Variants in ALDH1A3 observed in about 807,000 individuals in gnomAD.
The protein encoded by ALDH1A3 is retinaldehyde dehydrogenase 3.
Under a neutral mutation model 57.5 loss-of-function variants are expected in ALDH1A3, and 28 were observed. The ratio of observed to expected loss-of-function variants is 0.49; its 90% CI spans 0.36 to 0.67. ALDH1A3 has a LOEUF of 0.67. ALDH1A3 is among the 30% of genes least tolerant of loss of function. The pLI is 0.00. For missense variants in ALDH1A3, 507 were observed against 669.4 expected (o/e 0.76, Z 2.68); for synonymous variants, 281 against 264.8 (o/e 1.06, Z -0.59).
chr15:100,884,987 G>A (rs1444593986), intron 1 of ALDH1A3, among the ~76,000 whole-genome samples: 3 of 152,072 alleles, frequency 2.0e-5, no homozygotes, highest in Non-Finnish European at 2.9e-5. Context: ...CCATGTTATT[G>A]CTGAAGATAA....
intron 9 of ALDH1A3, among the ~76,000 whole-genome samples, chr15:100,903,195 G>C (rs1271837068): frequency 1.5e-5 from 2 of 137,406 alleles, no homozygotes; most frequent in Admixed American, 1.5e-4. Flanking sequence ...TCTCCCCACG[G>C]TATCCCCAGT....
Position 100,892,426 on chromosome 15 carries a change from C to T in ALDH1A3, c.346-84C>T, listed in dbSNP as rs556520421. The T allele has an allele frequency of 2.1e-4, 326 of 1,588,770 alleles. 6 individuals are homozygous for T. The South Asian group carries it at 3.5e-3, about 17-fold the overall frequency. On this transcript the variant is annotated intron_variant, in intron 3 of 12. Transcript: ENST00000329841. Reference sequence around the variant, plus strand: ...GAGCAATGTCCTAGGACTGTGTTCTCTCCCCAACTTCCATCTTTAACAACC... The same window carrying T: ...GAGCAATGTCCTAGGACTGTGTTCTTTCCCCAACTTCCATCTTTAACAACC...
At position 100,905,562 on chromosome 15, in the gene ALDH1A3, G is replaced by A. The variant is rs146286322; in HGVS notation, c.1108G>A (p.Glu370Lys). 6 of 1,614,182 alleles carry A rather than the reference G, an allele frequency of 3.7e-6. No homozygotes were observed. In the East Asian group the frequency reaches 8.9e-5, roughly 24 times the overall value. ...KQFDKILELI[E>K]SGKKEGAKLE... ...GTTCGACAAAATCTTAGAGCTGATC[G>A]AGAGTGGGAAGAAGGAAGGGGCCAA... The change falls in exon 10 of 13, where the codon GAG becomes AAG. Residue 370 changes from glutamate to lysine, a missense_variant. This residue lies in a region of ALDH1A3 where 432 missense variants were observed against 608.4 expected (regional missense o/e 0.71). Coordinates refer to ENST00000329841, the MANE Select transcript of ALDH1A3 (RefSeq NM_000693.4).
intron 3 of ALDH1A3, among the ~76,000 whole-genome samples, chr15:100,891,674 T>C (rs2041651753): frequency 6.6e-6 from 1 of 152,256 alleles, no homozygotes; most frequent in Admixed American, 6.5e-5. Flanking sequence ...CTCACTCCAC[T>C]GACTCTTCCA....
intron 2 of ALDH1A3, among the ~76,000 whole-genome samples, chr15:100,886,644 G>T (rs1278487041): frequency 6.6e-6 from 1 of 152,100 alleles, no homozygotes; most frequent in African/African-American, 2.4e-5. Flanking sequence ...AGGCATGGAG[G>T]GGCCTTCGAG....
At position 100,900,489 on chromosome 15, in the gene ALDH1A3, T is replaced by C. The variant is rs2041755100; in HGVS notation, c.884-86T>C. ...GGGCCTGTTTTCTTGTGTGGGCAAT[T>C]AGAATTGCAGCTGTCACCAGTCCTG... On this transcript the variant is annotated intron_variant, in intron 8 of 12. Coordinates refer to ENST00000329841, the MANE Select transcript of ALDH1A3 (RefSeq NM_000693.4). The C allele has an allele frequency of 2.3e-5, 29 of 1,266,686 alleles. 2 individuals carry two copies. The South Asian group carries it at 3.9e-4, about 17-fold the overall frequency. The allele number at this position is 1,266,686 out of a possible 1,614,324, so 78.5% of individuals were successfully genotyped here.
intron 9 of ALDH1A3, among the ~76,000 whole-genome samples, chr15:100,901,866 C>T (rs1430219554): frequency 2.0e-5 from 3 of 152,170 alleles, no homozygotes; most frequent in Non-Finnish European, 4.4e-5. Context: ...CATCAGTGCC[C>T]ACCCTCCACT....
At chr15:100,905,786 G>T in intron 10 of ALDH1A3, 99 bp downstream of exon 10, 1 of 1,264,164 alleles carries the variant, frequency 7.9e-7, no homozygotes, top group Non-Finnish European at 1.1e-6. Flanking sequence ...TGATCTGAGT[G>T]TTTTTTTGTT....
At chr15:100,896,084 G>A (rs1567170688) in intron 7 of ALDH1A3, 38 bp downstream of exon 7, 6 of 1,515,840 alleles carry the variant, frequency 4.0e-6, no homozygotes, top group African/African-American at 2.8e-5. Flanking sequence ...AAGTGAAAGG[G>A]GCGTGTTATT....
At position 100,908,267 on chromosome 15, in the gene ALDH1A3, C is replaced by T. The variant is rs956271966; in HGVS notation, c.1392-141C>T. 1.2e-4 allele frequency: 79 copies of T among 662,378 alleles called. No individual in the cohort carries two copies. In the African/African-American group the frequency reaches 1.4e-3, roughly 12 times the overall value. The allele number at this position is 662,378 out of a possible 1,614,324, so 41.0% of individuals were successfully genotyped here. A position where few individuals can be genotyped will look rare whatever the true frequency, so the allele number is the denominator to read the frequency against. ...AGAATGAGAAGACAAAAGTTGAGAG[C>T]ACCCTGTGTTTTCATCAAGGAAGCT... On this transcript the variant is annotated intron_variant, in intron 11 of 12. Transcript: ENST00000329841.
At chr15:100,911,045 C>A (rs966109564) in intron 12 of ALDH1A3, among the ~76,000 whole-genome samples, 3 of 152,254 alleles carry the variant, frequency 2.0e-5, no homozygotes, top group Non-Finnish European at 4.4e-5. Flanking sequence ...CAGTTAGCCT[C>A]CATCGGGACT....
intron 2 of ALDH1A3, among the ~76,000 whole-genome samples, chr15:100,886,356 C>T (rs1389235618): frequency 3.9e-5 from 6 of 152,192 alleles, no homozygotes; most frequent in South Asian, 2.1e-4. Context: ...CCAAGTGCCC[C>T]GTACAGGTGC....
chr15:100,894,216 T>G lies in ALDH1A3; in HGVS notation c.666+134T>G. 1 of 1,192,484 alleles carries G rather than the reference T, an allele frequency of 8.4e-7. No individual in the cohort carries two copies. Among genetic ancestry groups the G allele is most frequent in the East Asian group, 2.4e-5 (1 of 41,730 alleles). 73.9% of individuals were successfully genotyped at this position (1,192,484 alleles called of 1,614,324 possible). ...GGGAAGGGAATGACTTCCAGTGTTT[T>G]GTTTGGCGACTGCACGTTCTTTCTC... On this transcript the variant is annotated intron_variant, in intron 6 of 12. Transcript: ENST00000329841. The surrounding 1 kb of genome is among the most constrained non-coding windows in gnomAD (Gnocchi z 4.5).
chr15:100,883,694 C>T (rs1040622967), intron 1 of ALDH1A3, among the ~76,000 whole-genome samples: 1 of 151,158 alleles, frequency 6.6e-6, no homozygotes, highest in African/African-American at 2.4e-5. Flanking sequence ...TTCTGGGGTA[C>T]ATGTGCAGGA....
At chr15:100,896,532 A>C (rs1406244796) in intron 7 of ALDH1A3, among the ~76,000 whole-genome samples, 1 of 152,248 alleles carries the variant, frequency 6.6e-6, no homozygotes, top group Admixed American at 6.5e-5. Flanking sequence ...AATTCAAACA[A>C]AATCAGACTT....
chr15:100,900,893 TTTAGAAACTGA>T, intron 9 of ALDH1A3, 134 bp downstream of exon 9: 1 of 985,148 alleles, frequency 1.0e-6, no homozygotes, highest in Non-Finnish European at 1.5e-6. Context: ...CTTTCTTTTC[TTTAGAAACTGA>T]TCAGAAACAC....
At chr15:100,884,608 T>G (rs1011433363) in intron 1 of ALDH1A3, among the ~76,000 whole-genome samples, 6 of 151,448 alleles carry the variant, frequency 4.0e-5, no homozygotes, top group African/African-American at 1.5e-4. Context: ...TATTTTAAGT[T>G]CTAGGGTACA....
chr15:100,892,769 C>T (rs1416085402), intron 4 of ALDH1A3, 130 bp downstream of exon 4: 1 of 1,382,598 alleles, frequency 7.2e-7, no homozygotes, highest in Non-Finnish European at 9.8e-7. Context: ...AATGGTACTG[C>T]CAATTCTTCT....
At chr15:100,888,994 A>G (rs1429581951) in intron 3 of ALDH1A3, 1 of 152,184 alleles carries the variant, frequency 6.6e-6, no homozygotes, top group Non-Finnish European at 1.5e-5. Context: ...CTGCCAAGGC[A>G]TTCATCAGTT....
Sources: gnomAD v4.1 joint callset for allele counts (sites outside exome capture counted in the v4.1 genomes callset) on GRCh38, gnomAD v4.1.1 for gene constraint, gnomAD v4.1.1 regional missense constraint, Gnocchi (gnomAD v3.1) non-coding constraint, MANE v1.5 for transcripts, NCBI Gene and HGNC (gene_info 2026-07-23, HGNC 2026-07-21) for gene names.